METTL15: variants seen among roughly 807,000 people sequenced by gnomAD.
The protein encoded by METTL15 is methyltransferase 15, mitochondrial 12S rRNA N4-cytidine.
Under a neutral mutation model 38.3 loss-of-function variants are expected in METTL15, and 34 were observed. That is an observed-to-expected ratio of 0.89 (90% confidence interval 0.68 to 1.18). The LOEUF (loss-of-function observed/expected upper bound fraction) is 1.18. Ranked by LOEUF, METTL15 falls within the 50% of genes most tolerant of loss-of-function variation. METTL15 has a pLI of 0.00. For synonymous variants in METTL15, 162 were observed against 170.9 expected, an observed-to-expected ratio of 0.95 and a Z score of 0.41; for missense variants, 438 against 498.4, an observed-to-expected ratio of 0.88 and a Z score of 1.15.
chr11:28,284,958 A>G lies in METTL15; in HGVS notation c.408-5248A>G, dbSNP rs537969461. On this transcript the variant is annotated intron_variant, in intron 4 of 6. Transcript: ENST00000407364. ...ATAATCTCCATTTGGCAAGGGCAGG[A>G]CCAGGTGAAGGAATCCAGTCTTGTA... Among the ~76,000 whole-genome samples, 6 of 152,262 alleles carry G rather than the reference A, an allele frequency of 3.9e-5. No homozygotes were observed. In the South Asian group the frequency reaches 1.0e-3, roughly 26 times the overall value.
rs571688664 is a variant in METTL15, at chr11:28,383,133, G to T, written c.*358+21097G>T. Among the ~76,000 whole-genome samples the T allele has an allele frequency of 7.2e-5, 11 of 152,062 alleles. No homozygotes were observed. The South Asian group carries it at 1.7e-3, about 23-fold the overall frequency. ...CCCTCCTCCTACCTTTATCTCTCAG[G>T]TAGGCCCCAGTATCTATTGTCGCCT... On this transcript the variant is annotated intron_variant and NMD_transcript_variant, in intron 5 of 7. Coordinates refer to the METTL15 transcript ENST00000532947.
At chr11:28,306,580 T>C (rs1857089685) in intron 6 of METTL15, among the ~76,000 whole-genome samples, 1 of 152,030 alleles carries the variant, frequency 6.6e-6, no homozygotes, top group African/African-American at 2.4e-5. Flanking sequence ...CACCCAAAAA[T>C]ATTGAGAGAA....
chr11:28,214,850 A>G (rs1193243266), intron 4 of METTL15, among the ~76,000 whole-genome samples: 1 of 152,198 alleles, frequency 6.6e-6, no homozygotes, highest in African/African-American at 2.4e-5. Flanking sequence ...TTAGCTAAAA[A>G]TTTAAAACTC....
chr11:28,423,101 TCAA>T (rs1850835265), intron 5 of METTL15, among the ~76,000 whole-genome samples: 1 of 151,990 alleles, frequency 6.6e-6, no homozygotes, highest in African/African-American at 2.4e-5. Flanking sequence ...ATAAAAATGT[TCAA>T]CATCACTTAT....
intron 4 of METTL15, among the ~76,000 whole-genome samples, chr11:28,246,510 A>G (rs1465206881): frequency 2.0e-5 from 3 of 152,144 alleles, no homozygotes; most frequent in Non-Finnish European, 4.4e-5. Flanking sequence ...ACATCATAAC[A>G]TTGTCAGGAG....
At chr11:28,445,849 T>C (rs969079883) in intron 6 of METTL15, among the ~76,000 whole-genome samples, 1 of 151,968 alleles carries the variant, frequency 6.6e-6, no homozygotes, top group Admixed American at 6.5e-5. Context: ...GATGAGGTTT[T>C]GCCATGTTGC....
In METTL15 at chr11:28,382,827, C is replaced by T. The variant is rs111809839; in HGVS notation, c.*358+20791C>T. The stretch of plus-strand genomic sequence containing the variant: ...TGCAGCCTGGGCAACAAGAGTGAAA[C>T]TCCGTCTCAAAAAAAAAAAAAGAAA... On this transcript the variant is annotated intron_variant and NMD_transcript_variant, in intron 5 of 7. Transcript: ENST00000532947. Among the ~76,000 whole-genome samples the T allele has an allele frequency of 1.5e-4, 23 of 150,476 alleles. 1 individual carries two copies. The highest frequency in any genetic ancestry group is 5.2e-4 in the African/African-American group (21 of 40,724).
At chr11:28,507,654 A>G (rs1241896328) in intron 6 of METTL15, among the ~76,000 whole-genome samples, 4 of 152,132 alleles carry the variant, frequency 2.6e-5, no homozygotes, top group Admixed American at 6.5e-5. Context: ...ACTCTTTCTC[A>G]TCTCAGAAAT....
intron 6 of METTL15, among the ~76,000 whole-genome samples, chr11:28,424,904 G>A (rs1337044223): frequency 1.3e-5 from 2 of 152,174 alleles, no homozygotes; most frequent in African/African-American, 4.8e-5. Flanking sequence ...GAAAACGTAT[G>A]TTTACAGCTA....
chr11:28,118,033 C>T (rs753714675), intron 3 of METTL15, among the ~76,000 whole-genome samples: 44 of 151,586 alleles, frequency 2.9e-4, no homozygotes, highest in South Asian at 1.5e-3. Flanking sequence ...GACGGAGTTT[C>T]GCTCTGTCGT....
intron 3 of METTL15, among the ~76,000 whole-genome samples, chr11:28,207,967 AT>A (rs1240657893): frequency 6.6e-6 from 1 of 151,996 alleles, no homozygotes; most frequent in Non-Finnish European, 1.5e-5. Flanking sequence ...CCCCTTTATC[AT>A]TTTTTATTGC....
At chr11:28,192,198 G>C (rs569758154) in intron 3 of METTL15, among the ~76,000 whole-genome samples, 2 of 151,872 alleles carry the variant, frequency 1.3e-5, no homozygotes, top group African/African-American at 4.8e-5. Context: ...TATGAATGCA[G>C]AATTAATATT....
At chr11:28,373,638 A>G (rs1850271633) in intron 5 of METTL15, among the ~76,000 whole-genome samples, 1 of 152,150 alleles carries the variant, frequency 6.6e-6, no homozygotes, top group African/African-American at 2.4e-5. Context: ...TAATTAATTT[A>G]GTTTAATTAG....
At chr11:28,233,413 T>C (rs1312595237) in intron 4 of METTL15, among the ~76,000 whole-genome samples, 1 of 152,162 alleles carries the variant, frequency 6.6e-6, no homozygotes, top group East Asian at 1.9e-4. Context: ...CATTAGCTTT[T>C]TTTGTTTTCC....
chr11:28,488,876 G>T (rs889178421), intron 6 of METTL15, among the ~76,000 whole-genome samples: 1 of 151,950 alleles, frequency 6.6e-6, no homozygotes, highest in African/African-American at 2.4e-5. Context: ...CTGGATCTTA[G>T]GTCTTAGCAT....
intron 6 of METTL15, among the ~76,000 whole-genome samples, chr11:28,489,941 G>A (rs980500165): frequency 1.3e-5 from 2 of 152,114 alleles, no homozygotes; most frequent in Admixed American, 1.3e-4. Flanking sequence ...GTCACCCTGT[G>A]CAGCTGACCC....
chr11:28,309,242 G>T (rs1179071254), intron 6 of METTL15, among the ~76,000 whole-genome samples: 2 of 152,114 alleles, frequency 1.3e-5, no homozygotes, highest in African/African-American at 2.4e-5. Flanking sequence ...CAACTACCTG[G>T]CTGATCACAC....
intron 5 of METTL15, among the ~76,000 whole-genome samples, chr11:28,295,543 A>G (rs543343510): frequency 4.6e-5 from 7 of 152,028 alleles, no homozygotes; most frequent in East Asian, 3.9e-4. Flanking sequence ...GGAGGTTGCA[A>G]TGAGCTGAGA....
chr11:28,212,832 C>G (rs1172805447), intron 4 of METTL15, among the ~76,000 whole-genome samples: 1 of 152,112 alleles, frequency 6.6e-6, no homozygotes, highest in South Asian at 2.1e-4. Flanking sequence ...AAACTGAATT[C>G]TCGTAAGATA....
Sources: allele counts gnomAD v4.1 joint callset (sites outside exome capture counted in the v4.1 genomes callset), GRCh38; gene constraint gnomAD v4.1.1; transcripts MANE v1.5; gene names NCBI Gene and HGNC (gene_info 2026-07-23, HGNC 2026-07-21).